The following DDX1 variants were observed in gnomAD, a reference collection of about 807,000 sequenced individuals.
DDX1 encodes ATP-dependent RNA helicase DDX1.
A neutral mutation model predicts 108.7 loss-of-function variants in DDX1; 28 were observed. The ratio of observed to expected loss-of-function variants is 0.26; its 90% CI spans 0.19 to 0.35. The LOEUF is 0.35. Among genes scored for constraint, DDX1 ranks in the 10% least tolerant of loss-of-function variants. DDX1 has a pLI of 1.00. For synonymous variants in DDX1, 295 were observed against 288.9 expected (o/e 1.02, Z -0.21); for missense variants, 710 against 884.5 (o/e 0.80, Z 2.50).
At chr2:15,613,779 C>T (rs1190757183) in intron 14 of DDX1, among the ~76,000 whole-genome samples, 1 of 150,564 alleles carries the variant, frequency 6.6e-6, no homozygotes, top group Non-Finnish European at 1.5e-5. Flanking sequence ...CATGCCATTA[C>T]GAAGGACAAA....
At chr2:15,595,329 T>C in intron 2 of DDX1, 133 bp downstream of exon 2, 1 of 938,690 alleles carries the variant, frequency 1.1e-6, no homozygotes, top group South Asian at 1.7e-5. Flanking sequence ...TTTTCTAAAT[T>C]ATGGAAAGTT....
rs569566545 is a variant in DDX1, at chr2:15,608,663, GTT to G, written c.956+1371_956+1372del. Among the ~76,000 whole-genome samples, 861 of 106,654 alleles carry G rather than the reference GTT, an allele frequency of 8.1e-3. 5 individuals are homozygous for G. Among genetic ancestry groups the G allele is most frequent in the African/African-American group, 0.031 (822 of 26,652 alleles). 70.0% of individuals were successfully genotyped at this position (106,654 alleles called of 152,430 possible). On this transcript the variant is annotated intron_variant, in intron 13 of 25. Coordinates refer to ENST00000233084, the MANE Select transcript of DDX1 (RefSeq NM_004939.3). ...CACAAAAGCCTGTGTTTTTTTTTAG[GTT>G]TTTTTTTTTTTTTTTTTTTTATGAA...
At chr2:15,616,723 T>G (rs1007677947) in intron 14 of DDX1, among the ~76,000 whole-genome samples, 1 of 152,216 alleles carries the variant, frequency 6.6e-6, no homozygotes, top group Admixed American at 6.5e-5. Context: ...CTGGACAGTC[T>G]GATCACCATT....
At chr2:15,598,520 A>T (rs1317096089) in intron 5 of DDX1, among the ~76,000 whole-genome samples, 1 of 152,226 alleles carries the variant, frequency 6.6e-6, no homozygotes, top group African/African-American at 2.4e-5. Context: ...GATAATTGTT[A>T]AATTATTGAA....
chr2:15,592,079 A>C, intron 1 of DDX1, 130 bp downstream of exon 1: 1 of 868,306 alleles, frequency 1.2e-6, no homozygotes, highest in Non-Finnish European at 1.6e-6. Flanking sequence ...TGTCCGCTGC[A>C]GTCCCTGATG....
intron 19 of DDX1, among the ~76,000 whole-genome samples, chr2:15,624,703 T>C (rs1248321358): frequency 6.6e-6 from 1 of 152,196 alleles, no homozygotes. Context: ...AGCCAAATTA[T>C]ATCATAAACC....
intron 3 of DDX1, 87 bp downstream of exon 3, chr2:15,595,640 C>T: frequency 1.1e-6 from 1 of 942,144 alleles, no homozygotes; most frequent in Non-Finnish European, 1.7e-6. Flanking sequence ...TACCTTTATT[C>T]ACAAACATTT....
chr2:15,613,833 ATTTT>A (rs61546961), intron 14 of DDX1, among the ~76,000 whole-genome samples: 2 of 133,392 alleles, frequency 1.5e-5, no homozygotes, highest in African/African-American at 2.9e-5. Flanking sequence ...AAGTTTAGGA[ATTTT>A]TTTTTTTTTT....
Position 15,628,819 on chromosome 2 carries a change from G to A in DDX1, c.1855G>A (p.Val619Met). 1 of 1,613,608 alleles carries A rather than the reference G, an allele frequency of 6.2e-7. No homozygotes were observed. The highest frequency in any genetic ancestry group is 8.5e-7 in the Non-Finnish European group (1 of 1,179,656). The change falls in exon 23 of 26, where the codon GTG (valine) becomes ATG (methionine). Residue 619 changes from valine to methionine, a missense_variant. Physicochemically the swap from Val to Met is conservative, Grantham distance 21. This residue lies in a region of DDX1 where 661 missense variants were observed against 810.2 expected (regional missense o/e 0.82). Coordinates refer to ENST00000233084, the MANE Select transcript of DDX1 (RefSeq NM_004939.3). ...AERMGLAISL[V>M]ATEKEKVWYH... The stretch of plus-strand genomic sequence containing the variant: ...CAGGATGGGTCTGGCAATTTCCCTG[G>A]TGGCAACAGAAAAAGAAAAGGTAAT...
chr2:15,607,213 G>A lies in DDX1; in HGVS notation c.856G>A (p.Ala286Thr). The change falls in exon 13 of 26, where the codon GCT becomes ACT. Residue 286 changes from alanine (A) to threonine (T), a missense_variant. Physicochemically the swap from Ala to Thr is moderately conservative, Grantham distance 58 (BLOSUM62 0). Around this residue, in one of 3 missense-constraint regions of DDX1, gnomAD observed 661 missense variants for 810.2 expected, o/e 0.82. Transcript: ENST00000233084. ...QVTQTKFLPN[A>T]PKALIVEPSR... ...GACACAAACAAAGTTTCTCCCCAATGCTCCGAAAGCTCTCATTGTTGAACC... is the reference window on the plus strand; with the variant it reads ...GACACAAACAAAGTTTCTCCCCAATACTCCGAAAGCTCTCATTGTTGAACC... 6.2e-7 allele frequency: 1 copy of A among 1,613,952 alleles called. No individual in the cohort carries two copies. Among genetic ancestry groups the A allele is most frequent in the Non-Finnish European group, 8.5e-7 (1 of 1,179,924 alleles).
In DDX1 at chr2:15,603,864, A is replaced by G; in HGVS notation, c.526A>G (p.Asn176Asp). Reference sequence around the variant, plus strand: ...TGGTGGAACAGGAAAGAAATCCCATAACAAACAATTTGATAATTATGGAGA... The same window carrying G: ...TGGTGGAACAGGAAAGAAATCCCATGACAAACAATTTGATAATTATGGAGA... ...GFGGTGKKSHNKQFDNYGEEF... is the reference protein window; with the variant it reads ...GFGGTGKKSHDKQFDNYGEEF... The change falls in exon 9 of 26, where the codon AAC becomes GAC. Residue 176 changes from asparagine (N) to aspartate (D), a missense_variant. Around this residue, in one of 3 missense-constraint regions of DDX1, gnomAD observed 661 missense variants for 810.2 expected, o/e 0.82. Coordinates refer to ENST00000233084, the MANE Select transcript of DDX1 (RefSeq NM_004939.3). 1 of 1,611,986 alleles carries G rather than the reference A, an allele frequency of 6.2e-7. No homozygotes were observed. The highest frequency in any genetic ancestry group is 8.5e-7 in the Non-Finnish European group (1 of 1,178,880).
chr2:15,618,366 C>G, intron 16 of DDX1, 96 bp downstream of exon 16: 1 of 691,418 alleles, frequency 1.4e-6, no homozygotes, highest in African/African-American at 1.7e-5. Flanking sequence ...TGGCTGGAAA[C>G]CTCTGCGGCT....
At chr2:15,623,806 A>G (rs946670361) in intron 19 of DDX1, among the ~76,000 whole-genome samples, 1 of 152,152 alleles carries the variant, frequency 6.6e-6, no homozygotes, top group Non-Finnish European at 1.5e-5. Flanking sequence ...CTTGAATCAC[A>G]GCATCCTAAG....
chr2:15,598,627 A>G (rs1487395939), intron 5 of DDX1, among the ~76,000 whole-genome samples: 5 of 152,204 alleles, frequency 3.3e-5, no homozygotes, highest in Admixed American at 1.3e-4. Flanking sequence ...AGTACTTCCT[A>G]ATAGCTACAT....
Position 15,606,132 on chromosome 2 carries a change from T to C in DDX1, c.703-18T>C, listed in dbSNP as rs1221789019. 1 of 1,600,078 alleles carries C rather than the reference T, an allele frequency of 6.2e-7. No homozygotes were observed. Among genetic ancestry groups the C allele is most frequent in the Admixed American group, 1.7e-5 (1 of 59,384 alleles). On this transcript the variant is annotated intron_variant, in intron 11 of 25. Transcript: ENST00000233084. ...AATTAGGGTAGGAATTTTAATTTTC[T>C]GTTTTATTCAATGCTAGAATGCTGA...
At chr2:15,607,909 A>G (rs1367752391) in intron 13 of DDX1, among the ~76,000 whole-genome samples, 1 of 152,128 alleles carries the variant, frequency 6.6e-6, no homozygotes, top group African/African-American at 2.4e-5. Flanking sequence ...TTTCTTCCCT[A>G]AATCTCTATA....
At chr2:15,595,605 T>C in intron 3 of DDX1, 52 bp downstream of exon 3, 1 of 1,196,138 alleles carries the variant, frequency 8.4e-7, no homozygotes, top group African/African-American at 1.5e-5. Context: ...ACTCTAAGAA[T>C]TGCATAGGCT....
At position 15,591,888 on chromosome 2, in the gene DDX1, G is replaced by A; in HGVS notation, c.-46G>A. On this transcript the variant is annotated 5_prime_UTR_variant, in exon 1 of 26. Coordinates refer to ENST00000233084, the MANE Select transcript of DDX1 (RefSeq NM_004939.3). ...CCGCCACTGCCACGCCGTGTCAGTC[G>A]GGAGGGAGGGAGCGAGCAGGCGAAG... 6.8e-7 allele frequency: 1 copy of A among 1,466,790 alleles called. No homozygotes were observed. Among genetic ancestry groups the A allele is most frequent in the Non-Finnish European group, 9.0e-7 (1 of 1,108,082 alleles). The allele number at this position is 1,466,790 out of a possible 1,614,324, so 90.9% of individuals were successfully genotyped here. A position where few individuals can be genotyped will look rare whatever the true frequency, so the allele number is the denominator to read the frequency against.
rs1203634163 is a variant in DDX1 at position 15,599,640 on chromosome 2, G to A, written c.260-29G>A. On this transcript the variant is annotated intron_variant, in intron 5 of 25. Transcript: ENST00000233084. ...GCATTTTAAATTTTATATATCTGTGGGTAACTTTTCTTATTTTAATTTGTT... is the reference window on the plus strand; with the variant it reads ...GCATTTTAAATTTTATATATCTGTGAGTAACTTTTCTTATTTTAATTTGTT... 10 of 1,564,456 alleles carry A rather than the reference G, an allele frequency of 6.4e-6. No individual in the cohort carries two copies. In the Admixed American group the frequency reaches 9.1e-5, roughly 14 times the overall value.
Sources: gnomAD v4.1 joint callset for allele counts (sites outside exome capture counted in the v4.1 genomes callset) on GRCh38, gnomAD v4.1.1 for gene constraint, gnomAD v4.1.1 regional missense constraint, MANE v1.5 for transcripts, NCBI Gene and HGNC (gene_info 2026-07-23, HGNC 2026-07-21) for gene names.